NR1H4: variants seen among roughly 807,000 people sequenced by gnomAD.
NR1H4 encodes bile acid receptor.
Under a neutral mutation model 58.5 loss-of-function variants are expected in NR1H4, and 23 were observed. The observed-to-expected ratio is 0.39, with a 90% confidence interval of 0.28 to 0.56. The LOEUF is 0.56. Ranked by LOEUF, NR1H4 falls within the 20% of genes least tolerant of loss-of-function variation. The pLI is 0.58. For synonymous variants in NR1H4, 214 were observed against 198.0 expected, an observed-to-expected ratio of 1.08 and a Z score of -0.68; for missense variants, 487 against 576.9, an observed-to-expected ratio of 0.84 and a Z score of 1.60.
intron 8 of NR1H4, among the ~76,000 whole-genome samples, chr12:100,538,094 G>C (rs1163892712): frequency 6.6e-6 from 1 of 152,172 alleles, no homozygotes; most frequent in Non-Finnish European, 1.5e-5. Context: ...TGTGGTTATA[G>C]TATAGTGTCT....
chr12:100,532,639 T>C, intron 5 of NR1H4, 29 bp downstream of exon 5: 1 of 1,606,690 alleles, frequency 6.2e-7, no homozygotes, highest in Non-Finnish European at 8.5e-7. Flanking sequence ...TACATTTCAC[T>C]AAAAATCTCT....
intron 8 of NR1H4, 37 bp downstream of exon 8, chr12:100,537,084 A>C (rs951337444): frequency 8.0e-7 from 1 of 1,253,222 alleles, no homozygotes; most frequent in African/African-American, 1.5e-5. Flanking sequence ...ATTTATTGAG[A>C]GTTTAAATAT....
rs567466293 is a variant in NR1H4 at position 100,548,802 on chromosome 12, A to G, written c.1078+7984A>G. On this transcript the variant is annotated intron_variant, in intron 9 of 10. Coordinates refer to ENST00000392986, the MANE Select transcript of NR1H4 (RefSeq NM_001206979.2). ...GAATTAATCACAATAGATTTCATGC[A>G]TAATTTAAGTTAGAGGTTTGGCTGC... is the stretch of plus-strand genomic sequence containing the variant. Among the ~76,000 whole-genome samples, 38 of 152,290 alleles carry G rather than the reference A, an allele frequency of 2.5e-4. 1 individual carries two copies. The South Asian group carries it at 4.1e-3, about 17-fold the overall frequency.
chr12:100,544,364 T>C (rs1955009933), intron 9 of NR1H4, among the ~76,000 whole-genome samples: 1 of 152,000 alleles, frequency 6.6e-6, no homozygotes, highest in Admixed American at 6.6e-5. Context: ...CTGACAGGTC[T>C]CTACTCTAGG....
At chr12:100,534,849 C>T in intron 5 of NR1H4, 41 bp from the exon 6 acceptor site, 1 of 1,613,342 alleles carries the variant, frequency 6.2e-7, no homozygotes, top group Non-Finnish European at 8.5e-7. Flanking sequence ...CCCAACAGTA[C>T]TTTCTGTGAT....
intron 6 of NR1H4, among the ~76,000 whole-genome samples, chr12:100,535,461 C>T (rs1013357083): frequency 3.3e-5 from 5 of 152,212 alleles, no homozygotes; most frequent in African/African-American, 1.2e-4. Context: ...AAGTCCTACC[C>T]ACTGGGGTTA....
chr12:100,510,839 G>T lies in NR1H4; in HGVS notation c.141G>T (p.Ser47=), dbSNP rs148156024. The change falls in exon 4 of 11, where the codon TCG becomes TCT. Residue 47 remains serine (S), a synonymous_variant. Coordinates refer to ENST00000392986, the MANE Select transcript of NR1H4 (RefSeq NM_001206979.2). ...LGQNLEVEPY[S]QYSNVQFPQV... ...AGAACCTGGAAGTGGAACCATACTC[G>T]CAATACAGCAATGTTCAGTTTCCCC... 6.2e-6 allele frequency: 10 copies of T among 1,613,990 alleles called. No individual in the cohort carries two copies. Among genetic ancestry groups the T allele is most frequent in the Non-Finnish European group, 8.5e-6 (10 of 1,179,970 alleles).
At chr12:100,481,600 CCTGT>C (rs1430283689) in intron 1 of NR1H4, among the ~76,000 whole-genome samples, 1 of 151,952 alleles carries the variant, frequency 6.6e-6, no homozygotes. Context: ...ATGGTGAAAT[CCTGT>C]CTCTACAAAA....
At chr12:100,489,083 C>T (rs1392334353) in intron 1 of NR1H4, among the ~76,000 whole-genome samples, 5 of 152,024 alleles carry the variant, frequency 3.3e-5, no homozygotes, top group Non-Finnish European at 7.4e-5. Context: ...AAGAAGAGCA[C>T]CAAAGTAACC....
intron 9 of NR1H4, among the ~76,000 whole-genome samples, chr12:100,548,702 TG>T (rs1955137533): frequency 1.3e-5 from 2 of 152,176 alleles, no homozygotes; most frequent in African/African-American, 4.8e-5. Flanking sequence ...ATAGGTACAC[TG>T]GCGGTACAAA....
In NR1H4 at chr12:100,545,652, AAAAAAAAAAAAAAAAAAC is replaced by A. The variant is rs1455780930; in HGVS notation, c.1078+4835_1078+4852del. Among the ~76,000 whole-genome samples the A allele has an allele frequency of 4.8e-5, 7 of 146,244 alleles. 1 individual carries two copies. The highest frequency in any genetic ancestry group is 7.5e-5 in the Non-Finnish European group (5 of 67,076). ...GTGAGACCTTGTCTCAAAAAAAAAAAAAAAAAAAAAAAAAAAACCAAACGGGGGGCATATATGCGTAAT... is the reference window on the plus strand; with the variant it reads ...GTGAGACCTTGTCTCAAAAAAAAAAACAAACGGGGGGCATATATGCGTAAT... On this transcript the variant is annotated intron_variant, in intron 9 of 10. Coordinates refer to ENST00000392986, the MANE Select transcript of NR1H4 (RefSeq NM_001206979.2).
intron 3 of NR1H4, among the ~76,000 whole-genome samples, chr12:100,500,878 C>T (rs566373481): frequency 1.3e-5 from 2 of 152,190 alleles, no homozygotes; most frequent in African/African-American, 4.8e-5. Context: ...TCATAAATTG[C>T]CCAGTCTTGG....
At chr12:100,558,312 G>C (rs1955380328) in intron 9 of NR1H4, among the ~76,000 whole-genome samples, 1 of 130,290 alleles carries the variant, frequency 7.7e-6, no homozygotes, top group Non-Finnish European at 1.5e-5. Flanking sequence ...TCACGCCACT[G>C]CACTCCAGCC....
At chr12:100,485,521 CATTTT>C (rs529471899) in intron 1 of NR1H4, among the ~76,000 whole-genome samples, 11 of 151,996 alleles carry the variant, frequency 7.2e-5, no homozygotes, top group South Asian at 2.1e-4. Context: ...AGTTCTAGTT[CATTTT>C]ATTTTATTTT....
chr12:100,482,631 G>T (rs1346177992), intron 1 of NR1H4, among the ~76,000 whole-genome samples: 1 of 152,176 alleles, frequency 6.6e-6, no homozygotes, highest in East Asian at 1.9e-4. Flanking sequence ...AATTACAATG[G>T]TAACACCACT....
At position 100,521,728 on chromosome 12, in the gene NR1H4, A is replaced by G. The variant is rs181809904; in HGVS notation, c.445+10585A>G. ...AACTATTCCAGTATAGAATAGATGTAGTGTTTCCAAAGGATCCTTTGTTTA... is the reference window on the plus strand; with the variant it reads ...AACTATTCCAGTATAGAATAGATGTGGTGTTTCCAAAGGATCCTTTGTTTA... On this transcript the variant is annotated intron_variant, in intron 4 of 10. Coordinates refer to ENST00000392986, the MANE Select transcript of NR1H4 (RefSeq NM_001206979.2). 1.1e-4 allele frequency among the ~76,000 whole-genome samples: 17 copies of G among 152,344 alleles called. No homozygotes were observed. In the East Asian group the frequency reaches 1.3e-3, roughly 12 times the overall value.
intron 4 of NR1H4, among the ~76,000 whole-genome samples, chr12:100,520,074 C>A (rs938946280): frequency 6.6e-6 from 1 of 152,104 alleles, no homozygotes; most frequent in African/African-American, 2.4e-5. Flanking sequence ...ATCAGAGGAC[C>A]AATGCCTCAT....
intron 9 of NR1H4, among the ~76,000 whole-genome samples, chr12:100,543,386 G>C (rs916445856): frequency 6.6e-6 from 1 of 152,046 alleles, no homozygotes; most frequent in Admixed American, 6.6e-5. Flanking sequence ...GCAGTGTTAG[G>C]GTAAGCCAGA....
intron 1 of NR1H4, among the ~76,000 whole-genome samples, chr12:100,475,932 C>G (rs1953259706): frequency 6.6e-6 from 1 of 152,094 alleles, no homozygotes; most frequent in African/African-American, 2.4e-5. Context: ...CGGGGTTTCA[C>G]TATGTTGGCC....
Sources: gnomAD v4.1 joint callset for allele counts (sites outside exome capture counted in the v4.1 genomes callset) on GRCh38, gnomAD v4.1.1 for gene constraint, MANE v1.5 for transcripts, NCBI Gene and HGNC (gene_info 2026-07-23, HGNC 2026-07-21) for gene names.